Variants in IMMP2L observed in about 807,000 individuals in gnomAD.
The protein encoded by IMMP2L is mitochondrial inner membrane protease subunit 2.
IMMP2L carries 18 observed loss-of-function variants against 19.3 expected under a neutral mutation model. The ratio of observed to expected loss-of-function variants is 0.93; its 90% confidence interval spans 0.64 to 1.38. The LOEUF (loss-of-function observed/expected upper bound fraction) is 1.38. IMMP2L is among the 40% of genes most tolerant of loss of function. The probability of loss-of-function intolerance (pLI) is 0.00; values close to 1 mark genes in which losing one functional copy is unlikely to be tolerated. For synonymous variants in IMMP2L, 76 were observed against 73.0 expected (o/e 1.04, Z -0.21); for missense variants, 233 against 218.2 (o/e 1.07, Z -0.43).
chr7:111,117,672 A>T (rs1296251933), intron 3 of IMMP2L, among the ~76,000 whole-genome samples: 1 of 152,108 alleles, frequency 6.6e-6, no homozygotes, highest in Non-Finnish European at 1.5e-5. Flanking sequence ...CTTCAATTAG[A>T]ACTAAAGAAA....
At chr7:110,904,397 A>C (rs1445638192) in intron 4 of IMMP2L, among the ~76,000 whole-genome samples, 1 of 152,080 alleles carries the variant, frequency 6.6e-6, no homozygotes, top group African/African-American at 2.4e-5. Context: ...TTTACATTGA[A>C]TTCTTTAATC....
chr7:110,804,143 G>A (rs1016872169), intron 5 of IMMP2L, among the ~76,000 whole-genome samples: 1 of 152,074 alleles, frequency 6.6e-6, no homozygotes, highest in South Asian at 2.1e-4. Flanking sequence ...TGTCCTCTTT[G>A]TTTATTATCA....
chr7:111,522,173 T>G (rs939509747), intron 1 of IMMP2L, among the ~76,000 whole-genome samples: 5 of 152,084 alleles, frequency 3.3e-5, no homozygotes, highest in African/African-American at 1.2e-4. Context: ...TTGCGCTGTT[T>G]GTGGTGGCAG....
At chr7:111,368,425 T>C (rs771022635) in intron 3 of IMMP2L, among the ~76,000 whole-genome samples, 2 of 151,902 alleles carry the variant, frequency 1.3e-5, no homozygotes, top group Admixed American at 6.6e-5. Context: ...TCAGACACAT[T>C]CTCTCAAGAC....
At chr7:111,281,342 T>C (rs1185220119) in intron 3 of IMMP2L, among the ~76,000 whole-genome samples, 2 of 151,494 alleles carry the variant, frequency 1.3e-5, no homozygotes, top group African/African-American at 2.4e-5. Context: ...GACTGAAATT[T>C]AGAAACTTGC....
intron 3 of IMMP2L, among the ~76,000 whole-genome samples, chr7:111,400,054 A>G (rs1265212741): frequency 6.6e-6 from 1 of 152,038 alleles, no homozygotes; most frequent in Non-Finnish European, 1.5e-5. Context: ...TCTGAATGTG[A>G]TACCTCTCCT....
intron 5 of IMMP2L, among the ~76,000 whole-genome samples, chr7:110,735,390 C>A (rs1452084715): frequency 6.6e-6 from 1 of 152,064 alleles, no homozygotes; most frequent in Non-Finnish European, 1.5e-5. Context: ...CTCTTAACCT[C>A]ATTCTTTGTG....
chr7:111,446,348 A>T (rs1421082370), intron 3 of IMMP2L, among the ~76,000 whole-genome samples: 1 of 142,184 alleles, frequency 7.0e-6, no homozygotes, highest in African/African-American at 2.9e-5. Context: ...CCCAGCACAC[A>T]GCTGGAGATC....
chr7:111,437,683 T>TG (rs1160682918), intron 3 of IMMP2L, among the ~76,000 whole-genome samples: 2 of 151,940 alleles, frequency 1.3e-5, no homozygotes, highest in African/African-American at 4.9e-5. Flanking sequence ...CACCTTACAA[T>TG]GTATGGTATC....
At chr7:111,231,422 C>T (rs1342507918) in intron 3 of IMMP2L, among the ~76,000 whole-genome samples, 1 of 151,920 alleles carries the variant, frequency 6.6e-6, no homozygotes, top group Non-Finnish European at 1.5e-5. Context: ...AGGTATTTAC[C>T]TAGACTTTCT....
At chr7:110,937,598 T>C (rs1371018923) in intron 4 of IMMP2L, among the ~76,000 whole-genome samples, 2 of 152,090 alleles carry the variant, frequency 1.3e-5, no homozygotes, top group African/African-American at 4.8e-5. Context: ...AGTTAAAAGA[T>C]GGCAATATTT....
intron 3 of IMMP2L, among the ~76,000 whole-genome samples, chr7:111,250,146 C>G (rs1300955238): frequency 1.3e-5 from 2 of 151,978 alleles, no homozygotes; most frequent in African/African-American, 2.4e-5. Context: ...TGAATGAACT[C>G]CCATTCACAA....
At position 110,772,851 on chromosome 7, in the gene IMMP2L, C is replaced by T. The variant is rs552454591; in HGVS notation, c.409-109130G>A. Among the ~76,000 whole-genome samples, 5 of 152,192 alleles carry T rather than the reference C, an allele frequency of 3.3e-5. No individual in the cohort carries two copies. The East Asian group carries it at 9.7e-4, about 30-fold the overall frequency. ...GTATTACTGGCAGGAGGCCTTATGC[C>T]TGCATATTAAGGACCAAGTGCAGTA... is the stretch of plus-strand genomic sequence containing the variant. On this transcript the variant is annotated intron_variant, in intron 5 of 5. Transcript: ENST00000405709.
At chr7:111,287,149 G>C (rs899506682) in intron 3 of IMMP2L, among the ~76,000 whole-genome samples, 1 of 152,072 alleles carries the variant, frequency 6.6e-6, no homozygotes, top group African/African-American at 2.4e-5. Flanking sequence ...GTTCTTTAAA[G>C]CCCACCTCAA....
At chr7:111,434,378 A>G (rs1194507729) in intron 3 of IMMP2L, among the ~76,000 whole-genome samples, 2 of 151,504 alleles carry the variant, frequency 1.3e-5, no homozygotes, top group African/African-American at 4.9e-5. Flanking sequence ...AGGATTAAAT[A>G]CAGTAAAAAG....
intron 3 of IMMP2L, among the ~76,000 whole-genome samples, chr7:110,995,469 CA>C (rs1446377484): frequency 6.6e-6 from 1 of 152,120 alleles, no homozygotes; most frequent in Non-Finnish European, 1.5e-5. Flanking sequence ...TGATGAGAGA[CA>C]CAGTAGAATT....
intron 5 of IMMP2L, among the ~76,000 whole-genome samples, chr7:110,822,553 G>A (rs1803130864): frequency 1.3e-5 from 2 of 151,976 alleles, no homozygotes; most frequent in Non-Finnish European, 2.9e-5. Context: ...CCATCCCCAA[G>A]CCAATTATCC....
intron 5 of IMMP2L, among the ~76,000 whole-genome samples, chr7:110,820,057 T>C (rs1345039494): frequency 6.6e-6 from 1 of 152,066 alleles, no homozygotes; most frequent in African/African-American, 2.4e-5. Context: ...GAACCACTTA[T>C]TATGGCAGAT....
At chr7:110,744,092 CT>C (rs1441945426) in intron 5 of IMMP2L, among the ~76,000 whole-genome samples, 1 of 152,146 alleles carries the variant, frequency 6.6e-6, no homozygotes, top group African/African-American at 2.4e-5. Context: ...TCCACCATTG[CT>C]GAGGCTTAAG....
Sources: allele counts gnomAD v4.1 joint callset (sites outside exome capture counted in the v4.1 genomes callset), GRCh38; gene constraint gnomAD v4.1.1; transcripts MANE v1.5; gene names NCBI Gene and HGNC (gene_info 2026-07-23, HGNC 2026-07-21).